NRG3: variants seen among roughly 807,000 people sequenced by gnomAD.
NRG3 encodes the protein pro-neuregulin-3, membrane-bound isoform.
A neutral mutation model predicts 66.9 loss-of-function variants in NRG3; 31 were observed. That is an observed-to-expected ratio of 0.46 (90% CI 0.35 to 0.63). The LOEUF is 0.63. NRG3 is among the 20% of genes least tolerant of loss of function. The pLI is 0.00. For synonymous variants in NRG3, 393 were observed against 359.4 expected (o/e 1.09, Z -1.06); for missense variants, 910 against 878.9 (o/e 1.04, Z -0.45).
At chr10:82,790,738 C>G (rs1402453077) in intron 3 of NRG3, among the ~76,000 whole-genome samples, 1 of 152,016 alleles carries the variant, frequency 6.6e-6, no homozygotes, top group Non-Finnish European at 1.5e-5. Flanking sequence ...ACCACATAGT[C>G]TTTTTGAGGC....
At chr10:82,586,523 A>G (rs1178640830) in intron 2 of NRG3, among the ~76,000 whole-genome samples, 1 of 152,156 alleles carries the variant, frequency 6.6e-6, no homozygotes, top group Admixed American at 6.5e-5. Context: ...ATATTAAGCA[A>G]AATACTTGGC....
At chr10:81,879,195 C>G (rs1025097778) in intron 1 of NRG3, among the ~76,000 whole-genome samples, 1 of 152,220 alleles carries the variant, frequency 6.6e-6, no homozygotes, top group Admixed American at 6.5e-5. Context: ...TACTTGCTTG[C>G]ACTTCAGACT....
intron 2 of NRG3, among the ~76,000 whole-genome samples, chr10:82,501,340 G>T (rs767734854): frequency 2.0e-5 from 3 of 152,052 alleles, no homozygotes; most frequent in Non-Finnish European, 4.4e-5. Context: ...TTTCAGCACC[G>T]CAACAAGAGC....
intron 1 of NRG3, among the ~76,000 whole-genome samples, chr10:81,997,701 C>T (rs1467276441): frequency 6.6e-6 from 1 of 151,972 alleles, no homozygotes. Context: ...TAGCACAGTG[C>T]TTGGACCATA....
intron 2 of NRG3, among the ~76,000 whole-genome samples, chr10:82,548,838 A>G (rs759868913): frequency 6.6e-6 from 1 of 152,220 alleles, no homozygotes; most frequent in Non-Finnish European, 1.5e-5. Flanking sequence ...GTATCTAAGA[A>G]GCAATGGTCT....
Position 82,132,524 on chromosome 10 carries a change from T to TATCATATATATATCATA in NRG3, c.824-226215_824-226214insATCATATATATATCATA, listed in dbSNP as rs1564593958. ...ATATATCATATATATATGATATATA[T>TATCATATATATATCATA]GATATATATATGATATATATATATC... is the stretch of plus-strand genomic sequence containing the variant. On this transcript the variant is annotated intron_variant, in intron 1 of 8. Transcript: ENST00000372141. Among the ~76,000 whole-genome samples the TATCATATATATATCATA allele has an allele frequency of 9.3e-3, 194 of 20,804 alleles. 4 individuals carry two copies. Among genetic ancestry groups the TATCATATATATATCATA allele is most frequent in the African/African-American group, 0.026 (180 of 6,904 alleles). 13.6% of individuals were successfully genotyped at this position (20,804 alleles called of 152,430 possible).
rs542958793 is a variant in NRG3 at position 82,042,204 on chromosome 10, T to A, written c.823+166041T>A. The stretch of plus-strand genomic sequence containing the variant: ...AGAGAACAGAATTTTTTTAAAAAAA[T>A]TTGAGTATATTTAATTTATTGAAAA... On this transcript the variant is annotated intron_variant, in intron 1 of 8. Coordinates refer to ENST00000372141, the MANE Select transcript of NRG3 (RefSeq NM_001010848.4). 4.6e-5 allele frequency among the ~76,000 whole-genome samples: 7 copies of A among 152,148 alleles called. No individual in the cohort carries two copies. The South Asian group carries it at 1.0e-3, about 23-fold the overall frequency.
At chr10:82,505,380 G>C (rs1844571457) in intron 2 of NRG3, among the ~76,000 whole-genome samples, 1 of 152,234 alleles carries the variant, frequency 6.6e-6, no homozygotes, top group African/African-American at 2.4e-5. Context: ...AGAACCTGTA[G>C]CTATTTACCA....
At chr10:82,388,437 G>A (rs553918290) in intron 2 of NRG3, among the ~76,000 whole-genome samples, 1 of 152,146 alleles carries the variant, frequency 6.6e-6, no homozygotes, top group Non-Finnish European at 1.5e-5. Flanking sequence ...AAGGAAAATA[G>A]GTGGCTGTGA....
intron 2 of NRG3, among the ~76,000 whole-genome samples, chr10:82,456,823 CG>C (rs1307133323): frequency 1.3e-5 from 2 of 152,170 alleles, no homozygotes; most frequent in Non-Finnish European, 2.9e-5. Context: ...GCCTGACACT[CG>C]GCCTGCCCCA....
At chr10:82,615,718 A>T (rs1590884527) in intron 2 of NRG3, among the ~76,000 whole-genome samples, 1 of 152,284 alleles carries the variant, frequency 6.6e-6, no homozygotes, top group East Asian at 1.9e-4. Context: ...ACACTTTAAA[A>T]CTCATTTTAT....
At chr10:81,975,317 CTATCT>C (rs1564704361) in intron 1 of NRG3, among the ~76,000 whole-genome samples, 1 of 7,470 alleles carries the variant, frequency 1.3e-4, no homozygotes, top group East Asian at 2.0e-3. Context: ...TGTGTAACAT[CTATCT>C]ATCTATCTAT....
At chr10:82,253,528 A>G (rs143504450) in intron 1 of NRG3, among the ~76,000 whole-genome samples, 13 of 152,246 alleles carry the variant, frequency 8.5e-5, no homozygotes, top group Non-Finnish European at 1.6e-4. Flanking sequence ...TACCTTATAA[A>G]TAGCTCTTCT....
intron 1 of NRG3, among the ~76,000 whole-genome samples, chr10:82,227,535 A>G (rs969035928): frequency 7.2e-5 from 11 of 152,112 alleles, no homozygotes; most frequent in Non-Finnish European, 1.5e-4. Flanking sequence ...ATGACAAAGA[A>G]GAGACATGAA....
chr10:82,547,828 C>T (rs1180835595), intron 2 of NRG3, among the ~76,000 whole-genome samples: 2 of 151,930 alleles, frequency 1.3e-5, no homozygotes, highest in African/African-American at 4.8e-5. Flanking sequence ...CTTGGGATAT[C>T]TAGCTATGTT....
chr10:82,620,566 C>A (rs981999958), intron 2 of NRG3, among the ~76,000 whole-genome samples: 2 of 152,194 alleles, frequency 1.3e-5, no homozygotes, highest in Admixed American at 1.3e-4. Context: ...CTCTCTCTAC[C>A]AAATGAGTCT....
At chr10:82,914,605 T>C (rs747447174) in intron 4 of NRG3, among the ~76,000 whole-genome samples, 2 of 152,180 alleles carry the variant, frequency 1.3e-5, no homozygotes, top group Non-Finnish European at 1.5e-5. Context: ...GTTTTTTGTT[T>C]CTATTCTCCT....
At chr10:82,008,607 C>T (rs1263664521) in intron 1 of NRG3, among the ~76,000 whole-genome samples, 1 of 152,166 alleles carries the variant, frequency 6.6e-6, no homozygotes, top group East Asian at 1.9e-4. Context: ...TCATGGCTAC[C>T]TGTGTACTTG....
chr10:82,031,368 G>C, intron 1 of NRG3, among the ~76,000 whole-genome samples: 1 of 152,082 alleles, frequency 6.6e-6, no homozygotes, highest in East Asian at 1.9e-4. Context: ...TTACAAGTTA[G>C]CTATGCCTCT....
Sources: gnomAD v4.1 joint callset for allele counts (sites outside exome capture counted in the v4.1 genomes callset) on GRCh38, gnomAD v4.1.1 for gene constraint, MANE v1.5 for transcripts, NCBI Gene and HGNC (gene_info 2026-07-23, HGNC 2026-07-21) for gene names.